Variants in CSNK1G1 observed in about 807,000 individuals in gnomAD.
CSNK1G1 encodes the protein casein kinase I isoform gamma-1.
CSNK1G1 carries 22 observed loss-of-function variants against 59.6 expected under a neutral mutation model. The observed-to-expected ratio is 0.37, with a 90% CI of 0.26 to 0.53. The LOEUF is 0.53. Among genes scored for constraint, CSNK1G1 ranks in the 20% least tolerant of loss-of-function variants. CSNK1G1 has a pLI of 0.89. For synonymous variants in CSNK1G1, 179 were observed against 177.1 expected (o/e 1.01, Z -0.08); for missense variants, 384 against 519.5 (o/e 0.74, Z 2.54).
chr15:64,343,591 T>C (rs1421144116), intron 1 of CSNK1G1, among the ~76,000 whole-genome samples: 1 of 152,052 alleles, frequency 6.6e-6, no homozygotes, highest in African/African-American at 2.4e-5. Flanking sequence ...GTCAGAATTG[T>C]GAATACTCAC....
At chr15:64,309,522 G>C (rs1435718751) in intron 1 of CSNK1G1, among the ~76,000 whole-genome samples, 1 of 152,000 alleles carries the variant, frequency 6.6e-6, no homozygotes, top group Non-Finnish European at 1.5e-5. Context: ...CAAATAAAAT[G>C]GTGAATGTGA....
Position 64,251,935 on chromosome 15 carries a change from T to G in CSNK1G1, c.223-354A>C, listed in dbSNP as rs141480620. 3.1e-3 allele frequency among the ~76,000 whole-genome samples: 465 copies of G among 152,332 alleles called. 2 individuals carry two copies. Among genetic ancestry groups the G allele is most frequent in the African/African-American group, 0.011 (439 of 41,580 alleles). Reference sequence around the variant, plus strand: ...AGAATGTATTTCCTGCTTGTTTTGTTCAGAATTTTGGGTGGTTCATGGTTT... The same window carrying G: ...AGAATGTATTTCCTGCTTGTTTTGTGCAGAATTTTGGGTGGTTCATGGTTT... On this transcript the variant is annotated intron_variant, in intron 3 of 11. Transcript: ENST00000303052.
rs897514483 is a variant in CSNK1G1, at chr15:64,252,697, A to C, written c.223-1116T>G. Among the ~76,000 whole-genome samples the C allele has an allele frequency of 2.0e-5, 3 of 152,216 alleles. No individual in the cohort carries two copies. In the East Asian group the frequency reaches 5.8e-4, roughly 29 times the overall value. On this transcript the variant is annotated intron_variant, in intron 3 of 11. Transcript: ENST00000303052. The stretch of plus-strand genomic sequence containing the variant: ...AAACTATTGAGAATTAAAGATTGTA[A>C]ATGCAATTAAAATATGTAACTTCAA...
At chr15:64,294,273 C>CA (rs1316985300) in intron 2 of CSNK1G1, among the ~76,000 whole-genome samples, 1 of 152,012 alleles carries the variant, frequency 6.6e-6, no homozygotes, top group African/African-American at 2.4e-5. Context: ...GGGGTTTCAC[C>CA]ATGTTGGCCA....
intron 1 of CSNK1G1, among the ~76,000 whole-genome samples, chr15:64,336,327 A>G (rs1897387732): frequency 6.6e-6 from 1 of 152,236 alleles, no homozygotes; most frequent in Admixed American, 6.5e-5. Context: ...CTCAAAGTGT[A>G]TAAGCCACAC....
At chr15:64,326,763 C>T (rs1313829334) in intron 1 of CSNK1G1, among the ~76,000 whole-genome samples, 15 of 151,540 alleles carry the variant, frequency 9.9e-5, no homozygotes, top group Admixed American at 7.9e-4. Context: ...TCTGAGGTAC[C>T]GGGTTCATCT....
At chr15:64,194,007 G>A (rs1398939382) in intron 10 of CSNK1G1, 3 of 152,570 alleles carry the variant, frequency 2.0e-5, no homozygotes, top group Non-Finnish European at 4.4e-5. Context: ...CAGTGACTAG[G>A]TGATAGAACA....
chr15:64,260,289 T>C (rs1892625543), intron 2 of CSNK1G1, among the ~76,000 whole-genome samples: 1 of 152,192 alleles, frequency 6.6e-6, no homozygotes, highest in Non-Finnish European at 1.5e-5. Context: ...TTAAAAGTTA[T>C]TGGTACTGTA....
chr15:64,204,343 GATTCAAGC>G, intron 9 of CSNK1G1, 90 bp downstream of exon 9: 1 of 997,850 alleles, frequency 1.0e-6, no homozygotes. Flanking sequence ...TTTTACCAAA[GATTCAAGC>G]AGAAAGACTG....
At chr15:64,247,045 C>T (rs1365252723) in intron 4 of CSNK1G1, among the ~76,000 whole-genome samples, 3 of 152,188 alleles carry the variant, frequency 2.0e-5, no homozygotes, top group Admixed American at 2.0e-4. Context: ...TAATACGGAT[C>T]TGTTTCGGCC....
chr15:64,320,009 A>ATCC (rs145942053), intron 1 of CSNK1G1, among the ~76,000 whole-genome samples: 1,776 of 145,476 alleles, frequency 0.012, 25 homozygotes, highest in African/African-American at 0.044. Context: ...GGCTCAAGCA[A>ATCC]TCCTCCCACC....
intron 3 of CSNK1G1, among the ~76,000 whole-genome samples, chr15:64,254,314 T>C (rs1892252045): frequency 6.6e-6 from 1 of 151,724 alleles, no homozygotes; most frequent in African/African-American, 2.4e-5. Flanking sequence ...ATGGTGGTGA[T>C]GGTTGTACAC....
intron 8 of CSNK1G1, 89 bp downstream of exon 8, chr15:64,204,776 A>G: frequency 9.0e-7 from 1 of 1,107,586 alleles, no homozygotes. Context: ...TTAATTACCT[A>G]AACAGCACCC....
chr15:64,278,735 G>T (rs557239737), intron 2 of CSNK1G1, among the ~76,000 whole-genome samples: 3 of 152,054 alleles, frequency 2.0e-5, no homozygotes, highest in Non-Finnish European at 2.9e-5. Context: ...CATAAAAGTA[G>T]ATTTTTATGT....
At chr15:64,189,420 C>A in intron 10 of CSNK1G1, 1 of 1,288,918 alleles carries the variant, frequency 7.8e-7, no homozygotes, top group Non-Finnish European at 1.0e-6. Flanking sequence ...GTGCCTCTTC[C>A]CCTGTGCCAG....
chr15:64,333,025 G>T (rs541934037), intron 1 of CSNK1G1, among the ~76,000 whole-genome samples: 3 of 152,176 alleles, frequency 2.0e-5, no homozygotes, highest in Non-Finnish European at 4.4e-5. Context: ...GGGAGGCCAA[G>T]GTAGATGGAT....
intron 1 of CSNK1G1, among the ~76,000 whole-genome samples, chr15:64,310,239 C>A (rs1244354356): frequency 6.6e-6 from 1 of 152,108 alleles, no homozygotes. Context: ...AGCCTATTTA[C>A]ATAGGCACAA....
chr15:64,353,253 A>C (rs1028007335), intron 1 of CSNK1G1, among the ~76,000 whole-genome samples: 1 of 152,216 alleles, frequency 6.6e-6, no homozygotes, highest in Non-Finnish European at 1.5e-5. Flanking sequence ...GAAAATAACT[A>C]ACTATAAGTC....
At chr15:64,223,764 C>T (rs1269549351) in intron 4 of CSNK1G1, among the ~76,000 whole-genome samples, 1 of 152,164 alleles carries the variant, frequency 6.6e-6, no homozygotes, top group Non-Finnish European at 1.5e-5. Flanking sequence ...AAGAGCCTTT[C>T]CATCATCAAT....
Sources: allele counts gnomAD v4.1 joint callset (sites outside exome capture counted in the v4.1 genomes callset), GRCh38; gene constraint gnomAD v4.1.1; transcripts MANE v1.5; gene names NCBI Gene and HGNC (gene_info 2026-07-23, HGNC 2026-07-21).